Variants in FNIP2 observed in about 807,000 individuals in gnomAD.
The protein encoded by FNIP2 is folliculin-interacting protein 2.
FNIP2 carries 32 observed loss-of-function variants against 108.7 expected under a neutral mutation model. That is an observed-to-expected ratio of 0.29 (90% confidence interval 0.22 to 0.40). FNIP2 has a LOEUF of 0.40. Among genes scored for constraint, FNIP2 ranks in the 10% least tolerant of loss-of-function variants. The pLI, the probability that FNIP2 is intolerant of heterozygous loss-of-function variation, is 1.00. For missense variants in FNIP2, 1,202 were observed against 1,381.6 expected (o/e 0.87, Z 2.06); for synonymous variants, 480 against 496.7 (o/e 0.97, Z 0.45).
intron 14 of FNIP2, among the ~76,000 whole-genome samples, chr4:158,880,412 G>C (rs932033558): frequency 6.6e-6 from 1 of 152,106 alleles, no homozygotes; most frequent in Non-Finnish European, 1.5e-5. Flanking sequence ...GGACACAGGA[G>C]GGGGAGCATC....
intron 14 of FNIP2, among the ~76,000 whole-genome samples, chr4:158,881,165 ACTCTCC>A (rs977796244): frequency 1.0e-4 from 15 of 150,430 alleles, no homozygotes; most frequent in Admixed American, 7.3e-4. Context: ...GAAGCCAAAG[ACTCTCC>A]CTCTCCCTCT....
chr4:158,892,884 ATG>A (rs1782373168), intron 15 of FNIP2, among the ~76,000 whole-genome samples: 1 of 152,236 alleles, frequency 6.6e-6, no homozygotes, highest in Admixed American at 6.5e-5. Flanking sequence ...CTAATTGCTA[ATG>A]TAATGGTCAT....
chr4:158,855,471 G>A (rs939118904), intron 8 of FNIP2, among the ~76,000 whole-genome samples: 10 of 151,406 alleles, frequency 6.6e-5, no homozygotes, highest in Admixed American at 3.9e-4. Context: ...TTTTTGAGAC[G>A]GGAATCTCAC....
At chr4:158,789,808 A>G (rs1005971717) in intron 1 of FNIP2, among the ~76,000 whole-genome samples, 16 of 91,106 alleles carry the variant, frequency 1.8e-4, no homozygotes, top group Non-Finnish European at 4.7e-5. Flanking sequence ...ATTTTTTCCA[A>G]CTCCAAGGGT....
rs1281253251 is a variant in FNIP2, at chr4:158,861,705, A to G, written c.1394A>G (p.Glu465Gly). The G allele has an allele frequency of 6.2e-7, 1 of 1,614,018 alleles. No individual in the cohort carries two copies. Among genetic ancestry groups the G allele is most frequent in the African/African-American group, 1.3e-5 (1 of 75,048 alleles). The change falls in exon 12 of 17, where the codon GAG becomes GGG. Residue 465 changes from glutamate to glycine, a missense_variant. Around this residue, in one of 5 missense-constraint regions of FNIP2, gnomAD observed 878 missense variants for 990.3 expected, o/e 0.89. Transcript: ENST00000264433. ...VDHPPIKAFS[E>G]KRTSQSVNML... ...CACCCTCCCATCAAAGCCTTCTCAG[A>G]GAAACGTACCTCCCAGTCAGTGAAC...
At chr4:158,867,952 G>A in intron 12 of FNIP2, 150 bp from the exon 13 acceptor site, 2 of 1,123,642 alleles carry the variant, frequency 1.8e-6, no homozygotes, top group African/African-American at 1.6e-5. Context: ...ACTAAAACGT[G>A]GTCCTTACTA....
chr4:158,825,740 AT>A (rs1778118678), intron 1 of FNIP2, among the ~76,000 whole-genome samples, 175 bp from the exon 2 acceptor site: 1 of 152,270 alleles, frequency 6.6e-6, no homozygotes, highest in Admixed American at 6.5e-5. Flanking sequence ...TGGAATCCAC[AT>A]ACAAGGCTAT....
intron 14 of FNIP2, among the ~76,000 whole-genome samples, chr4:158,882,684 TCTATGAC>T (rs2126749859): frequency 6.6e-6 from 1 of 152,356 alleles, no homozygotes; most frequent in Admixed American, 6.5e-5. Context: ...ATGCTGTTGA[TCTATGAC>T]CTTACCCCCA....
At chr4:158,889,082 C>T (rs1782159373) in intron 14 of FNIP2, among the ~76,000 whole-genome samples, 1 of 151,826 alleles carries the variant, frequency 6.6e-6, no homozygotes, top group African/African-American at 2.4e-5. Context: ...AGTCCAGCTA[C>T]TTGGGAGGCT....
At chr4:158,831,216 G>A (rs1297669977) in intron 3 of FNIP2, among the ~76,000 whole-genome samples, 1 of 152,212 alleles carries the variant, frequency 6.6e-6, no homozygotes, top group Non-Finnish European at 1.5e-5. Flanking sequence ...ACTAGTTTGA[G>A]CTAAGAGGTA....
At chr4:158,873,896 G>A (rs765721617) in intron 14 of FNIP2, among the ~76,000 whole-genome samples, 3 of 152,204 alleles carry the variant, frequency 2.0e-5, no homozygotes, top group African/African-American at 2.4e-5. Flanking sequence ...TGGAAAGAGA[G>A]CAGGCGTATG....
At chr4:158,825,750 A>T (rs965946405) in intron 1 of FNIP2, among the ~76,000 whole-genome samples, 166 bp from the exon 2 acceptor site, 7 of 152,270 alleles carry the variant, frequency 4.6e-5, no homozygotes, top group African/African-American at 1.7e-4. Flanking sequence ...ATACAAGGCT[A>T]TCTGTCCCAG....
At chr4:158,803,273 A>G (rs548803155) in intron 1 of FNIP2, among the ~76,000 whole-genome samples, 1 of 152,370 alleles carries the variant, frequency 6.6e-6, no homozygotes, top group South Asian at 2.1e-4. Flanking sequence ...AATAGGGTGG[A>G]TGATAAATTG....
chr4:158,851,461 A>G lies in FNIP2; in HGVS notation c.857+11A>G, dbSNP rs767427080. On this transcript the variant is annotated intron_variant, in intron 8 of 16. Coordinates refer to ENST00000264433, the MANE Select transcript of FNIP2 (RefSeq NM_020840.3). ...CATCATCCCAAGAAGGTGAGTTGCA[A>G]GTTTCCTCTTGCTGAGAAAAGTAGG... is the stretch of plus-strand genomic sequence containing the variant. The G allele has an allele frequency of 6.8e-6, 11 of 1,613,884 alleles. No homozygotes were observed. The East Asian group carries it at 2.5e-4, about 36-fold the overall frequency.
At chr4:158,889,868 A>C in intron 14 of FNIP2, 1 of 985,278 alleles carries the variant, frequency 1.0e-6, no homozygotes, top group East Asian at 1.1e-4. Flanking sequence ...TCTTGATATA[A>C]ATTTATAACA....
rs1780722350 is a variant in FNIP2, at chr4:158,868,466, G to A, written c.1830G>A (p.Leu610=). 3 of 1,613,912 alleles carry A rather than the reference G, an allele frequency of 1.9e-6. No homozygotes were observed. The highest frequency in any genetic ancestry group is 2.5e-6 in the Non-Finnish European group (3 of 1,179,906). The change falls in exon 13 of 17, where the codon CTG becomes CTA. Residue 610 remains leucine, a synonymous_variant. Transcript: ENST00000264433. This position sits in a 1 kb window ranked among gnomAD's most constrained non-coding sequence, Gnocchi z 4.6. ...CAGAGGGCACTGACAGTAGAGACCT[G>A]GGTCTTAAACCTGACAAAGAAGCTA... The part of the protein sequence containing the change: ...ECPEGTDSRD[L]GLKPDKEANR...
At chr4:158,897,153 C>G (rs1386435724) in intron 16 of FNIP2, among the ~76,000 whole-genome samples, 3 of 152,144 alleles carry the variant, frequency 2.0e-5, no homozygotes, top group Non-Finnish European at 1.5e-5. Context: ...TCATCCGTGT[C>G]CCTGCAGAGG....
chr4:158,769,190 G>A lies in FNIP2; in HGVS notation c.-23G>A, dbSNP rs1255915229. The A allele has an allele frequency of 1.3e-5, 17 of 1,303,282 alleles. No homozygotes were observed. Among genetic ancestry groups the A allele is most frequent in the Non-Finnish European group, 1.7e-5 (17 of 1,007,020 alleles). 80.7% of individuals were successfully genotyped at this position (1,303,282 alleles called of 1,614,324 possible). A position where few individuals can be genotyped will look rare whatever the true frequency, so the allele number is the denominator to read the frequency against. ...AGCCGCCGGCCCCCCGAGCGCCACG[G>A]CCGGAGCTGCGGCGGCGGCATCATG... is the stretch of plus-strand genomic sequence containing the variant. On this transcript the variant is annotated 5_prime_UTR_variant, in exon 1 of 17. Transcript: ENST00000264433.
At chr4:158,833,963 C>A in intron 6 of FNIP2, 1 of 958,418 alleles carries the variant, frequency 1.0e-6, no homozygotes, top group South Asian at 1.8e-5. Context: ...TAGGAAAAAT[C>A]CTACTTGTGC....
Sources: allele counts gnomAD v4.1 joint callset (sites outside exome capture counted in the v4.1 genomes callset), GRCh38; gene constraint gnomAD v4.1.1; regional missense constraint gnomAD v4.1.1; non-coding constraint Gnocchi (gnomAD v3.1); transcripts MANE v1.5; gene names NCBI Gene and HGNC (gene_info 2026-07-23, HGNC 2026-07-21).